Variants in RBFOX1 observed in about 807,000 individuals in gnomAD.
RBFOX1 encodes RNA binding fox-1 homolog 1, also known as RNA binding protein fox-1 homolog 1.
RBFOX1 carries 8 observed loss-of-function variants against 57.7 expected under a neutral mutation model. The ratio of observed to expected loss-of-function variants is 0.14; its 90% CI spans 0.08 to 0.25. The LOEUF is 0.25. RBFOX1 is among the 10% of genes least tolerant of loss of function. RBFOX1 has a pLI of 1.00. For synonymous variants in RBFOX1, 326 were observed against 222.4 expected, an observed-to-expected ratio of 1.47 and a Z score of -4.15; for missense variants, 611 against 548.5, an observed-to-expected ratio of 1.11 and a Z score of -1.14.
At chr16:5,452,698 C>T (rs1327039349) in intron 1 of RBFOX1, among the ~76,000 whole-genome samples, 1 of 151,696 alleles carries the variant, frequency 6.6e-6, no homozygotes, top group East Asian at 1.9e-4. Context: ...GGCTGGAGTG[C>T]AATGGCGTGG....
intron 3 of RBFOX1, among the ~76,000 whole-genome samples, chr16:6,978,438 T>C (rs1306001336): frequency 2.0e-5 from 3 of 152,208 alleles, no homozygotes; most frequent in Non-Finnish European, 2.9e-5. Context: ...AGAATAGTTA[T>C]AAGCCCTTGG....
chr16:5,868,647 GA>G (rs780907595), intron 4 of RBFOX1, among the ~76,000 whole-genome samples: 2 of 152,200 alleles, frequency 1.3e-5, no homozygotes, highest in African/African-American at 2.4e-5. Flanking sequence ...TTCATAGTGT[GA>G]GTGATTTCAG....
chr16:6,661,032 T>C (rs2098698143), intron 3 of RBFOX1, among the ~76,000 whole-genome samples: 1 of 152,212 alleles, frequency 6.6e-6, no homozygotes, highest in South Asian at 2.1e-4. Flanking sequence ...TGAAGTCCTA[T>C]GTACTGCAGC....
intron 1 of RBFOX1, among the ~76,000 whole-genome samples, chr16:5,450,353 C>T (rs576394189): frequency 6.6e-5 from 10 of 152,150 alleles, no homozygotes; most frequent in Admixed American, 1.3e-4. Flanking sequence ...GAAGAGTGAT[C>T]GATTGGCTGC....
chr16:5,522,081 A>G (rs559908019), intron 2 of RBFOX1, among the ~76,000 whole-genome samples: 1 of 152,348 alleles, frequency 6.6e-6, no homozygotes, highest in East Asian at 1.9e-4. Flanking sequence ...ATGTGACCAC[A>G]TGCTGGAGGC....
At chr16:6,724,621 G>C (rs2066756965) in intron 3 of RBFOX1, among the ~76,000 whole-genome samples, 1 of 152,126 alleles carries the variant, frequency 6.6e-6, no homozygotes, top group Non-Finnish European at 1.5e-5. Context: ...CTGTTATTTA[G>C]AAGCCACCCA....
chr16:6,117,641 TCAA>T (rs1192690149), intron 1 of RBFOX1, among the ~76,000 whole-genome samples: 1 of 152,266 alleles, frequency 6.6e-6, no homozygotes, highest in Non-Finnish European at 1.5e-5. Context: ...TAGCTTTCAC[TCAA>T]CAACTGAGCC....
rs116859108 is a variant in RBFOX1, at chr16:5,563,762, A to G, written c.259-35140A>G. ...TCTCATATATTCACAGAGTTGTGCAATGAGCACTATAGCATATTTTGGAAC... is the reference window on the plus strand; with the variant it reads ...TCTCATATATTCACAGAGTTGTGCAGTGAGCACTATAGCATATTTTGGAAC... On this transcript the variant is annotated intron_variant, in intron 2 of 2. Transcript: ENST00000585867. 9.1e-3 allele frequency among the ~76,000 whole-genome samples: 1,381 copies of G among 152,296 alleles called. 11 individuals carry two copies. The highest frequency in any genetic ancestry group is 0.015 in the Non-Finnish European group (1,035 of 68,018).
intron 3 of RBFOX1, among the ~76,000 whole-genome samples, chr16:6,734,069 C>A (rs1603474772): frequency 6.6e-6 from 1 of 152,136 alleles, no homozygotes; most frequent in East Asian, 1.9e-4. Context: ...AGAACTTATA[C>A]CCCACTGCCT....
intron 1 of RBFOX1, among the ~76,000 whole-genome samples, chr16:5,421,882 T>TTA (rs1398461742): frequency 3.3e-5 from 5 of 152,066 alleles, no homozygotes; most frequent in Non-Finnish European, 7.4e-5. Flanking sequence ...ATGCTCGTGG[T>TTA]TAGGGACATG....
intron 4 of RBFOX1, among the ~76,000 whole-genome samples, chr16:6,011,580 A>G (rs1567255037): frequency 6.6e-6 from 1 of 152,320 alleles, no homozygotes; most frequent in East Asian, 1.9e-4. Flanking sequence ...GTTAAAGGTC[A>G]TGTCTCAGGC....
chr16:5,582,046 A>G (rs1310405920), intron 2 of RBFOX1, among the ~76,000 whole-genome samples: 2 of 152,230 alleles, frequency 1.3e-5, no homozygotes, highest in Non-Finnish European at 2.9e-5. Flanking sequence ...GATGTTCAGC[A>G]TAGAATCCAC....
intron 1 of RBFOX1, among the ~76,000 whole-genome samples, chr16:6,032,386 A>AT (rs977852006): frequency 1.3e-5 from 2 of 151,606 alleles, no homozygotes; most frequent in African/African-American, 2.4e-5. Context: ...TTATTAAAAA[A>AT]ATATACAATT....
intron 2 of RBFOX1, among the ~76,000 whole-genome samples, chr16:6,335,050 A>G (rs1242848756): frequency 6.6e-6 from 1 of 152,248 alleles, no homozygotes; most frequent in Non-Finnish European, 1.5e-5. Context: ...ATTTCTAACT[A>G]AATCCCCTTT....
At chr16:6,965,266 A>G (rs77717827) in intron 3 of RBFOX1, among the ~76,000 whole-genome samples, 6 of 151,938 alleles carry the variant, frequency 3.9e-5, no homozygotes, top group Non-Finnish European at 8.8e-5. Context: ...TGGAGAATTC[A>G]GGACTAGAAT....
At chr16:6,530,927 G>T (rs979739154) in intron 2 of RBFOX1, among the ~76,000 whole-genome samples, 1 of 152,124 alleles carries the variant, frequency 6.6e-6, no homozygotes, top group Admixed American at 6.5e-5. Flanking sequence ...TATCACTCCT[G>T]TTTCTTGATT....
At chr16:6,242,878 T>G (rs1051927429) in intron 1 of RBFOX1, among the ~76,000 whole-genome samples, 1 of 152,154 alleles carries the variant, frequency 6.6e-6, no homozygotes, top group African/African-American at 2.4e-5. Context: ...TTAACCAATG[T>G]TAAAACTTTA....
chr16:7,704,624 T>C (rs1036600864), intron 14 of RBFOX1, among the ~76,000 whole-genome samples: 2 of 152,168 alleles, frequency 1.3e-5, no homozygotes, highest in Non-Finnish European at 2.9e-5. Context: ...AAATAGACAC[T>C]GCCCCAGCCT....
intron 1 of RBFOX1, among the ~76,000 whole-genome samples, chr16:5,399,465 C>T (rs1240396098): frequency 2.6e-5 from 4 of 152,136 alleles, no homozygotes; most frequent in Admixed American, 2.0e-4. Flanking sequence ...TTAATCACCC[C>T]ATTGGGAGAA....
Sources: allele counts gnomAD v4.1 joint callset (sites outside exome capture counted in the v4.1 genomes callset), GRCh38; gene constraint gnomAD v4.1.1; transcripts MANE v1.5; gene names NCBI Gene and HGNC (gene_info 2026-07-23, HGNC 2026-07-21).